RALYL: variants seen among roughly 807,000 people sequenced by gnomAD.
RALYL encodes RALY RNA binding protein like, also known as RNA-binding Raly-like protein.
Under a neutral mutation model 35.1 loss-of-function variants are expected in RALYL, and 29 were observed. That is an observed-to-expected ratio of 0.83 (90% CI 0.61 to 1.13). The LOEUF (loss-of-function observed/expected upper bound fraction) is 1.13. Ranked by LOEUF, RALYL falls within the 50% of genes most tolerant of loss-of-function variation. The pLI, the probability that RALYL is intolerant of heterozygous loss-of-function variation, is 0.00. For missense variants in RALYL, 359 were observed against 360.4 expected (o/e 1.00, Z 0.03); for synonymous variants, 120 against 127.6 (o/e 0.94, Z 0.40).
chr8:84,333,879 T>A (rs1399287384), intron 1 of RALYL, among the ~76,000 whole-genome samples: 1 of 151,810 alleles, frequency 6.6e-6, no homozygotes, highest in Admixed American at 6.6e-5. Flanking sequence ...AAGAGTCTTA[T>A]TTTAACTTGT....
chr8:84,400,892 A>T (rs2042824032), intron 1 of RALYL, among the ~76,000 whole-genome samples: 1 of 152,228 alleles, frequency 6.6e-6, no homozygotes, highest in East Asian at 1.9e-4. Flanking sequence ...ATAAGGAAAT[A>T]CATTTTGTTA....
At chr8:84,478,918 C>CAAAAAAAAAAAAA (rs1564004735) in intron 1 of RALYL, among the ~76,000 whole-genome samples, 2 of 74,752 alleles carry the variant, frequency 2.7e-5, no homozygotes, top group East Asian at 5.6e-4. Context: ...AACCCCGTCT[C>CAAAAAAAAAAAAA]TACTAAAAAT....
At chr8:84,316,628 T>C (rs1482128015) in intron 1 of RALYL, among the ~76,000 whole-genome samples, 2 of 152,152 alleles carry the variant, frequency 1.3e-5, no homozygotes, top group Non-Finnish European at 2.9e-5. Context: ...ATCTATTTCT[T>C]TTTTATTAAA....
chr8:84,420,171 A>C (rs1300793198), intron 1 of RALYL, among the ~76,000 whole-genome samples: 1 of 151,844 alleles, frequency 6.6e-6, no homozygotes, highest in East Asian at 1.9e-4. Flanking sequence ...AACAGTGTAA[A>C]AGTGTTCCTA....
intron 1 of RALYL, among the ~76,000 whole-genome samples, chr8:84,250,950 G>A (rs899092558): frequency 1.3e-5 from 2 of 152,100 alleles, no homozygotes; most frequent in African/African-American, 4.8e-5. Context: ...TAGCATGTCA[G>A]TTGATTTTTA....
Position 84,618,100 on chromosome 8 carries a change from G to T in RALYL, c.256+88523G>T, listed in dbSNP as rs186213138. On this transcript the variant is annotated intron_variant, in intron 2 of 8. Coordinates refer to ENST00000521268, the MANE Select transcript of RALYL (RefSeq NM_173848.7). Reference sequence around the variant, plus strand: ...CCGGCTTTGGTATCAGAGTGATGCTGGCCTCATAAAATGAGTTAGGGAGGA... The same window carrying T: ...CCGGCTTTGGTATCAGAGTGATGCTTGCCTCATAAAATGAGTTAGGGAGGA... Among the ~76,000 whole-genome samples, 82 of 151,854 alleles carry T rather than the reference G, an allele frequency of 5.4e-4. 3 individuals carry two copies. Among genetic ancestry groups the T allele is most frequent in the African/African-American group, 1.6e-3 (64 of 41,164 alleles).
chr8:84,745,359 A>G (rs1229447969), intron 2 of RALYL, among the ~76,000 whole-genome samples: 1 of 152,012 alleles, frequency 6.6e-6, no homozygotes, highest in Non-Finnish European at 1.5e-5. Context: ...CCTATTTTTT[A>G]AATGCGTCTA....
chr8:84,427,418 G>A (rs1157391134), intron 1 of RALYL, among the ~76,000 whole-genome samples: 3 of 152,162 alleles, frequency 2.0e-5, no homozygotes, highest in Non-Finnish European at 2.9e-5. Flanking sequence ...GAGTTAGATT[G>A]TAAGCTTGTT....
At chr8:84,425,998 A>C (rs893000124) in intron 1 of RALYL, among the ~76,000 whole-genome samples, 1 of 152,170 alleles carries the variant, frequency 6.6e-6, no homozygotes, top group Non-Finnish European at 1.5e-5. Flanking sequence ...CCGTTTATCC[A>C]TTTATATAAT....
At chr8:84,385,854 T>C (rs779006222) in intron 1 of RALYL, among the ~76,000 whole-genome samples, 1 of 151,820 alleles carries the variant, frequency 6.6e-6, no homozygotes, top group Admixed American at 6.6e-5. Context: ...TCTAAGATAG[T>C]TGCCAAGGTT....
At chr8:84,852,190 T>C (rs1835996874) in intron 5 of RALYL, among the ~76,000 whole-genome samples, 1 of 152,192 alleles carries the variant, frequency 6.6e-6, no homozygotes, top group African/African-American at 2.4e-5. Context: ...CGATTCCTAC[T>C]TGAGAATCAG....
chr8:84,519,777 T>C (rs373802947), intron 1 of RALYL, among the ~76,000 whole-genome samples: 2 of 152,352 alleles, frequency 1.3e-5, no homozygotes, highest in African/African-American at 4.8e-5. Context: ...AGAATTAAAG[T>C]GTCACTGATT....
intron 1 of RALYL, among the ~76,000 whole-genome samples, chr8:84,477,071 G>A (rs1348166913): frequency 1.3e-5 from 2 of 152,108 alleles, no homozygotes; most frequent in African/African-American, 4.8e-5. Flanking sequence ...ATCATGCTAT[G>A]AGGCTTTCTT....
intron 2 of RALYL, among the ~76,000 whole-genome samples, chr8:84,534,986 T>C (rs1465539215): frequency 6.6e-6 from 1 of 152,226 alleles, no homozygotes; most frequent in African/African-American, 2.4e-5. Flanking sequence ...TATATTGGTT[T>C]GAAGAAAGAT....
chr8:84,585,184 TTAAG>T (rs1811717254), intron 2 of RALYL, among the ~76,000 whole-genome samples: 1 of 152,200 alleles, frequency 6.6e-6, no homozygotes, highest in African/African-American at 2.4e-5. Context: ...CACTTTCCTT[TTAAG>T]TGTCAGGTAT....
rs943999771 is a variant in RALYL, at chr8:84,660,257, C to G, written c.257-114322C>G. Among the ~76,000 whole-genome samples, 3 of 152,038 alleles carry G rather than the reference C, an allele frequency of 2.0e-5. No individual in the cohort carries two copies. In the South Asian group the frequency reaches 6.2e-4, roughly 32 times the overall value. ...GAATTTTCTCAATAATGATATATCT[C>G]ATTTATATTACTTTTTTATTTCTCT... is the stretch of plus-strand genomic sequence containing the variant. On this transcript the variant is annotated intron_variant, in intron 2 of 8. Coordinates refer to ENST00000521268, the MANE Select transcript of RALYL (RefSeq NM_173848.7).
intron 1 of RALYL, among the ~76,000 whole-genome samples, chr8:84,397,225 G>A (rs554812046): frequency 6.6e-6 from 1 of 152,286 alleles, no homozygotes; most frequent in Non-Finnish European, 1.5e-5. Context: ...CCCAGAAGGA[G>A]TGTACCACTA....
chr8:84,194,236 A>T (rs1393944020), intron 1 of RALYL, among the ~76,000 whole-genome samples: 5 of 152,202 alleles, frequency 3.3e-5, no homozygotes, highest in African/African-American at 1.2e-4. Flanking sequence ...AACGTGATTT[A>T]AAAAACCTGT....
intron 1 of RALYL, among the ~76,000 whole-genome samples, chr8:84,192,037 G>A (rs1038030863): frequency 5.3e-5 from 8 of 152,148 alleles, no homozygotes; most frequent in African/African-American, 1.7e-4. Flanking sequence ...GCAAGTCATC[G>A]TTTTAAGTGA....
Sources: gnomAD v4.1 joint callset for allele counts (sites outside exome capture counted in the v4.1 genomes callset) on GRCh38, gnomAD v4.1.1 for gene constraint, MANE v1.5 for transcripts, NCBI Gene and HGNC (gene_info 2026-07-23, HGNC 2026-07-21) for gene names.